MYL11: variants seen among roughly 807,000 people sequenced by gnomAD.
The protein encoded by MYL11 is myosin light chain 11, also known as myosin regulatory light chain 11.
the MYL11 span, chr16:30,376,722 T>A: frequency 1.2e-6 from 2 of 1,604,746 alleles, no homozygotes; most frequent in East Asian, 2.2e-5. Context: ...CCCCCACCCT[T>A]CCGACCCTTC....
chr16:30,376,107 A>T, the MYL11 span: 4 of 1,603,118 alleles, frequency 2.5e-6, no homozygotes, highest in South Asian at 4.4e-5. Context: ...AGGCTGGGCC[A>T]TGGGGGACCT....
At chr16:30,375,945 A>G in the MYL11 span, 1 of 1,606,626 alleles carries the variant, frequency 6.2e-7, no homozygotes, top group Admixed American at 1.7e-5. Flanking sequence ...TGGAAGGCTG[A>G]CCAAAAGCAG....
chr16:30,371,603 C>T, the MYL11 span, among the ~76,000 whole-genome samples: 180 of 152,264 alleles, frequency 1.2e-3, 2 homozygotes, highest in Middle Eastern at 0.01. Flanking sequence ...AACCCAGGCT[C>T]CAGTTCCTCA....
At chr16:30,376,221 G>A in the MYL11 span, 1 of 1,613,772 alleles carries the variant, frequency 6.2e-7, no homozygotes, top group Non-Finnish European at 8.5e-7. Flanking sequence ...GCAGCCATGG[G>A]TGAGCCCCCT....
chr16:30,375,821 C>G, the MYL11 span: 4 of 1,613,908 alleles, frequency 2.5e-6, no homozygotes, highest in Non-Finnish European at 3.4e-6. Flanking sequence ...ACCCTCCAGG[C>G]ACCCAAGAGG....
chr16:30,372,684 G>A, the MYL11 span, among the ~76,000 whole-genome samples: 1 of 149,682 alleles, frequency 6.7e-6, no homozygotes. Flanking sequence ...CTCCCCTCTT[G>A]AGTTCCAGCC....
At chr16:30,376,891 G>A in the MYL11 span, among the ~76,000 whole-genome samples, 1 of 152,124 alleles carries the variant, frequency 6.6e-6, no homozygotes, top group Admixed American at 6.6e-5. Flanking sequence ...AACACAGCAT[G>A]ACCCTGTTTC....
the MYL11 span, chr16:30,377,676 C>T: frequency 6.5e-7 from 1 of 1,540,214 alleles, no homozygotes; most frequent in Non-Finnish European, 8.8e-7. Context: ...GCTGACCACG[C>T]AGTGTGACCG....
the MYL11 span, chr16:30,375,764 C>T: frequency 6.9e-7 from 1 of 1,445,636 alleles, no homozygotes; most frequent in African/African-American, 1.4e-5. Flanking sequence ...TCCATTGCCC[C>T]CAGAGAGGTG....
At chr16:30,377,238 G>A in the MYL11 span, among the ~76,000 whole-genome samples, 1 of 151,522 alleles carries the variant, frequency 6.6e-6, no homozygotes, top group Non-Finnish European at 1.5e-5. Flanking sequence ...AAAAAAATTC[G>A]CGGGAGTGGT....
chr16:30,371,492 A>T, the MYL11 span, among the ~76,000 whole-genome samples: 1 of 152,024 alleles, frequency 6.6e-6, no homozygotes, highest in Non-Finnish European at 1.5e-5. Flanking sequence ...GAGCCCCCAG[A>T]TCCTATAAGC....
At chr16:30,374,640 C>T in the MYL11 span, 2 of 548,756 alleles carry the variant, frequency 3.6e-6, no homozygotes, top group Non-Finnish European at 6.4e-6. Context: ...CCCCCTTCCT[C>T]CCCGCTGGGC....
the MYL11 span, among the ~76,000 whole-genome samples, chr16:30,373,274 T>C: frequency 6.6e-6 from 1 of 151,930 alleles, no homozygotes. Flanking sequence ...CTGGCCAACA[T>C]GGTGAAACGC....
At chr16:30,375,325 C>T in the MYL11 span, among the ~76,000 whole-genome samples, 10 of 152,102 alleles carry the variant, frequency 6.6e-5, no homozygotes, top group African/African-American at 1.9e-4. Flanking sequence ...ATTAACTGGG[C>T]GTGGTGGTGC....
chr16:30,377,581 G>C, the MYL11 span: 22 of 1,368,464 alleles, frequency 1.6e-5, no homozygotes, highest in Non-Finnish European at 2.0e-5. Flanking sequence ...GGCTGGCATC[G>C]GGGATGAGGT....
chr16:30,371,726 G>A, the MYL11 span, among the ~76,000 whole-genome samples: 1 of 151,782 alleles, frequency 6.6e-6, no homozygotes, highest in African/African-American at 2.4e-5. Context: ...ATTCTTTTGG[G>A]GATCCAAGGC....
the MYL11 span, among the ~76,000 whole-genome samples, chr16:30,373,271 A>G: frequency 2.0e-5 from 3 of 152,158 alleles, no homozygotes; most frequent in African/African-American, 4.8e-5. Flanking sequence ...AGCCTGGCCA[A>G]CATGGTGAAA....
the MYL11 span, chr16:30,375,725 A>G: frequency 6.7e-6 from 7 of 1,038,232 alleles, no homozygotes; most frequent in Admixed American, 1.6e-4. Flanking sequence ...TGCTTTAGGA[A>G]CAGGGACTCG....
the MYL11 span, chr16:30,377,788 T>C: frequency 2.5e-6 from 4 of 1,613,814 alleles, no homozygotes; most frequent in South Asian, 1.1e-5. Context: ...CCCTACGTCT[T>C]TCCCCAGATC....
Sources: gnomAD v4.1 joint callset for allele counts (sites outside exome capture counted in the v4.1 genomes callset) on GRCh38, gnomAD v4.1.1 for gene constraint, MANE v1.5 for transcripts, NCBI Gene and HGNC (gene_info 2026-07-23, HGNC 2026-07-21) for gene names.